Variants in KHDRBS2 observed in about 807,000 individuals in gnomAD.
The protein encoded by KHDRBS2 is KH domain-containing, RNA-binding, signal transduction-associated protein 2.
Under a neutral mutation model 44.3 loss-of-function variants are expected in KHDRBS2, and 26 were observed. That is an observed-to-expected ratio of 0.59 (90% confidence interval 0.43 to 0.81). The LOEUF (loss-of-function observed/expected upper bound fraction) is 0.81. KHDRBS2 is among the 40% of genes least tolerant of loss of function. The pLI is 0.00. For missense variants in KHDRBS2, 476 were observed against 433.1 expected, an observed-to-expected ratio of 1.10 and a Z score of -0.88; for synonymous variants, 194 against 151.1, an observed-to-expected ratio of 1.28 and a Z score of -2.08.
intron 6 of KHDRBS2, among the ~76,000 whole-genome samples, chr6:61,774,615 G>A (rs1781618728): frequency 6.6e-6 from 1 of 152,078 alleles, no homozygotes; most frequent in South Asian, 2.1e-4. Context: ...TCTCTGAATA[G>A]ACCAATAACA....
chr6:62,006,370 GTA>G (rs1241594196), intron 3 of KHDRBS2, among the ~76,000 whole-genome samples: 1 of 151,886 alleles, frequency 6.6e-6, no homozygotes, highest in African/African-American at 2.4e-5. Flanking sequence ...ACATTTTCAG[GTA>G]AATAAAACTA....
chr6:61,976,442 C>T (rs1190362839), intron 4 of KHDRBS2, among the ~76,000 whole-genome samples: 2 of 151,948 alleles, frequency 1.3e-5, no homozygotes, highest in Admixed American at 6.6e-5. Context: ...GTTAACTTAG[C>T]CTACAGAGTA....
At chr6:62,160,083 G>A (rs189684886) in intron 2 of KHDRBS2, among the ~76,000 whole-genome samples, 47 of 152,194 alleles carry the variant, frequency 3.1e-4, no homozygotes, top group African/African-American at 9.6e-4. Flanking sequence ...TGGGATACAC[G>A]AGTAATCAAG....
intron 6 of KHDRBS2, among the ~76,000 whole-genome samples, chr6:61,769,267 A>T (rs753089516): frequency 2.0e-5 from 3 of 152,100 alleles, no homozygotes; most frequent in African/African-American, 4.8e-5. Flanking sequence ...CGGCATTTCC[A>T]ACTGAGGTAC....
intron 1 of KHDRBS2, among the ~76,000 whole-genome samples, chr6:62,206,288 G>C (rs568632583): frequency 6.6e-6 from 1 of 151,976 alleles, no homozygotes; most frequent in Non-Finnish European, 1.5e-5. Flanking sequence ...GCACAAACAG[G>C]TCATAATAAA....
chr6:62,249,194 T>C (rs1030344773), intron 1 of KHDRBS2, among the ~76,000 whole-genome samples: 1 of 152,134 alleles, frequency 6.6e-6, no homozygotes, highest in African/African-American at 2.4e-5. Context: ...GCTGCTCCAC[T>C]ATTGCTTAAA....
chr6:62,049,920 C>T (rs1196244830), intron 2 of KHDRBS2, among the ~76,000 whole-genome samples: 1 of 152,074 alleles, frequency 6.6e-6, no homozygotes, highest in African/African-American at 2.4e-5. Flanking sequence ...TACCACTTGA[C>T]TCAGCAATCC....
chr6:62,177,879 G>T (rs1821460515), intron 1 of KHDRBS2, among the ~76,000 whole-genome samples: 1 of 151,226 alleles, frequency 6.6e-6, no homozygotes, highest in African/African-American at 2.4e-5. Flanking sequence ...TCATCAATAA[G>T]ACATTATATA....
rs150517629 is a variant in KHDRBS2, at chr6:62,272,284, G to A, written c.91+13574C>T. On this transcript the variant is annotated intron_variant, in intron 1 of 8. Transcript: ENST00000281156. Reference sequence around the variant, plus strand: ...CTGATGTTCACACAATGATGAAATCGCCTAATGACACATTTCTCAGAATAG... The same window carrying A: ...CTGATGTTCACACAATGATGAAATCACCTAATGACACATTTCTCAGAATAG... 3.0e-3 allele frequency among the ~76,000 whole-genome samples: 455 copies of A among 152,160 alleles called. 5 individuals are homozygous for A. The highest frequency in any genetic ancestry group is 4.9e-3 in the Non-Finnish European group (330 of 68,008).
chr6:61,841,458 G>GA (rs1482036045), intron 6 of KHDRBS2, among the ~76,000 whole-genome samples: 1 of 152,132 alleles, frequency 6.6e-6, no homozygotes, highest in Non-Finnish European at 1.5e-5. Flanking sequence ...AGTAGAAATA[G>GA]AAAGTAAACA....
chr6:61,926,385 C>G (rs935460197), intron 4 of KHDRBS2, among the ~76,000 whole-genome samples: 1 of 151,936 alleles, frequency 6.6e-6, no homozygotes, highest in Non-Finnish European at 1.5e-5. Context: ...TGCAGGCAAA[C>G]GGATTACAAA....
the KHDRBS2 span, among the ~76,000 whole-genome samples, chr6:61,654,532 C>A: frequency 6.6e-6 from 1 of 151,596 alleles, no homozygotes; most frequent in African/African-American, 2.4e-5. Context: ...TTGGGTCAAA[C>A]AGGGTTCAAT....
the KHDRBS2 span, among the ~76,000 whole-genome samples, chr6:61,625,410 C>T: frequency 2.7e-5 from 4 of 149,960 alleles, no homozygotes; most frequent in Admixed American, 6.7e-5. Context: ...AAGTGTACCA[C>T]GCAGATATCT....
chr6:61,561,432 G>A, the KHDRBS2 span, among the ~76,000 whole-genome samples: 21 of 152,266 alleles, frequency 1.4e-4, no homozygotes, highest in African/African-American at 4.8e-4. Context: ...TCTACGAAGG[G>A]CAGTGAGTTT....
chr6:61,821,815 A>C (rs1178163543), intron 6 of KHDRBS2, among the ~76,000 whole-genome samples: 1 of 151,800 alleles, frequency 6.6e-6, no homozygotes, highest in Non-Finnish European at 1.5e-5. Context: ...GAGACCAATG[A>C]CTGGTATTTC....
At chr6:62,111,541 G>T (rs1804984608) in intron 2 of KHDRBS2, among the ~76,000 whole-genome samples, 1 of 152,016 alleles carries the variant, frequency 6.6e-6, no homozygotes, top group East Asian at 1.9e-4. Flanking sequence ...TGGTAAGTTA[G>T]ATGATTTATT....
At chr6:62,214,413 G>C (rs1365909335) in intron 1 of KHDRBS2, among the ~76,000 whole-genome samples, 1 of 152,030 alleles carries the variant, frequency 6.6e-6, no homozygotes, top group Non-Finnish European at 1.5e-5. Flanking sequence ...AATTTCAGAG[G>C]ATAAAATTTC....
intron 2 of KHDRBS2, among the ~76,000 whole-genome samples, chr6:62,111,252 G>A (rs532034576): frequency 7.2e-5 from 11 of 152,062 alleles, no homozygotes; most frequent in South Asian, 2.1e-4. Flanking sequence ...ACTTCCCTTA[G>A]ACACAGATAA....
chr6:62,067,338 A>T (rs1029654310), intron 2 of KHDRBS2, among the ~76,000 whole-genome samples: 45 of 151,560 alleles, frequency 3.0e-4, no homozygotes, highest in African/African-American at 1.0e-3. Flanking sequence ...TACACCAGTA[A>T]CAGAAATGTT....
Sources: gnomAD v4.1 joint callset for allele counts (sites outside exome capture counted in the v4.1 genomes callset) on GRCh38, gnomAD v4.1.1 for gene constraint, MANE v1.5 for transcripts, NCBI Gene and HGNC (gene_info 2026-07-23, HGNC 2026-07-21) for gene names.